The following PCDHGA2 variants were observed in gnomAD, a reference collection of about 807,000 sequenced individuals.
PCDHGA2 encodes the protein protocadherin gamma-A2.
In PCDHGA2, 40 loss-of-function variants were observed where a neutral mutation model predicts 59.2. That is an observed-to-expected ratio of 0.68 (90% CI 0.52 to 0.88). The LOEUF (loss-of-function observed/expected upper bound fraction) is 0.88, where lower values mean the gene tolerates loss of function less well. PCDHGA2 is among the 40% of genes least tolerant of loss of function. PCDHGA2 has a pLI of 0.00. For synonymous variants in PCDHGA2, 560 were observed against 526.0 expected, an observed-to-expected ratio of 1.06 and a Z score of -0.89; for missense variants, 1,226 against 1,204.0, an observed-to-expected ratio of 1.02 and a Z score of -0.27.
rs1488506612 is a variant in PCDHGA2 at position 141,395,336 on chromosome 5, T to G, written c.2424+53941T>G. ...TTGTGAAGATAGTTGAAAATAATTTTTAAGGTGTATCACAGAGTTTTGGGT... is the reference window on the plus strand; with the variant it reads ...TTGTGAAGATAGTTGAAAATAATTTGTAAGGTGTATCACAGAGTTTTGGGT... On this transcript the variant is annotated intron_variant, in intron 1 of 3. Coordinates refer to ENST00000394576, the MANE Select transcript of PCDHGA2 (RefSeq NM_018915.4). 5 of 1,435,024 alleles carry G rather than the reference T, an allele frequency of 3.5e-6. No homozygotes were observed. In the African/African-American group the frequency reaches 4.3e-5, roughly 12 times the overall value. The allele number at this position is 1,435,024 out of a possible 1,614,324, so 88.9% of individuals were successfully genotyped here. A position where few individuals can be genotyped will look rare whatever the true frequency, so the allele number is the denominator to read the frequency against.
chr5:141,360,853 C>G (rs1463247472), intron 1 of PCDHGA2: 16 of 1,613,992 alleles, frequency 9.9e-6, no homozygotes, highest in Non-Finnish European at 1.4e-5. Context: ...CGATAACCCT[C>G]CAGTGTTCAG....
chr5:141,488,572 T>C (rs888054788), intron 1 of PCDHGA2, among the ~76,000 whole-genome samples: 28 of 152,212 alleles, frequency 1.8e-4, no homozygotes, highest in African/African-American at 6.8e-4. Flanking sequence ...CCGCAAAGCA[T>C]TGCTGGAGAG....
intron 1 of PCDHGA2, among the ~76,000 whole-genome samples, chr5:141,494,498 C>G (rs2099754760): frequency 6.6e-6 from 1 of 152,138 alleles, no homozygotes; most frequent in African/African-American, 2.4e-5. Flanking sequence ...GCCTTCAGTC[C>G]TTGAATTTTG....
At chr5:141,495,492 G>C (rs1321150765) in intron 2 of PCDHGA2, among the ~76,000 whole-genome samples, 1 of 152,148 alleles carries the variant, frequency 6.6e-6, no homozygotes, top group Non-Finnish European at 1.5e-5. Flanking sequence ...CCTTTTTCTT[G>C]AGTTTCCGTC....
rs1345224043 is a variant in PCDHGA2, at chr5:141,487,695, C to G, written c.2425-7112C>G. Reference sequence around the variant, plus strand: ...TGGCTAGGCCATGTCCTAGAGAGTACTGGCCTCTCAGTAAGTGCCCATAGT... The same window carrying G: ...TGGCTAGGCCATGTCCTAGAGAGTAGTGGCCTCTCAGTAAGTGCCCATAGT... On this transcript the variant is annotated intron_variant, in intron 1 of 3. Transcript: ENST00000394576. The surrounding 1 kb of genome is among the most constrained non-coding windows in gnomAD (Gnocchi z 5.0). 1 of 1,601,306 alleles carries G rather than the reference C, an allele frequency of 6.2e-7. No individual in the cohort carries two copies.
chr5:141,476,741 A>G lies in PCDHGA2; in HGVS notation c.2425-18066A>G, dbSNP rs1430298222. On this transcript the variant is annotated intron_variant, in intron 1 of 3. Transcript: ENST00000394576. The surrounding 1 kb of genome is among the most constrained non-coding windows in gnomAD (Gnocchi z 7.6). ...CGCCCTGGACCGAGAACGGGAGCCT[A>G]GTCTCCAGTTAGTGCTGACGGCGTT... The G allele has an allele frequency of 6.2e-7, 1 of 1,613,936 alleles. No individual in the cohort carries two copies. Among genetic ancestry groups the G allele is most frequent in the Non-Finnish European group, 8.5e-7 (1 of 1,180,032 alleles).
chr5:141,362,773 A>G, intron 1 of PCDHGA2: 3 of 612,462 alleles, frequency 4.9e-6, no homozygotes, highest in South Asian at 4.6e-5. Context: ...GAGATATTGC[A>G]CTGTATTTCT....
rs780671252 is a variant in PCDHGA2, at chr5:141,398,519, C to G, written c.2424+57124C>G. 3.1e-6 allele frequency: 5 copies of G among 1,595,048 alleles called. No homozygotes were observed. The Admixed American group carries it at 6.8e-5, about 22-fold the overall frequency. On this transcript the variant is annotated intron_variant, in intron 1 of 3. Coordinates refer to ENST00000394576, the MANE Select transcript of PCDHGA2 (RefSeq NM_018915.4). ...ATCGAGGACATTAATGACCACACGC[C>G]AAAATTCACGCAAAATTCCTTTGAG...
In PCDHGA2 at chr5:141,356,585, C is replaced by G. The variant is rs11575950; in HGVS notation, c.2424+15190C>G. 2,136 of 1,614,174 alleles carry G rather than the reference C, an allele frequency of 1.3e-3. 34 individuals carry two copies. Among genetic ancestry groups the G allele is most frequent in the South Asian group, 0.013 (1,179 of 91,086 alleles). On this transcript the variant is annotated intron_variant, in intron 1 of 3. Coordinates refer to ENST00000394576, the MANE Select transcript of PCDHGA2 (RefSeq NM_018915.4). ...CATGCTTCCTACTCTGCTTACATTCCTGAAAACAACCCCAGAGGAGCCTCC... is the reference window on the plus strand; with the variant it reads ...CATGCTTCCTACTCTGCTTACATTCGTGAAAACAACCCCAGAGGAGCCTCC...
chr5:141,411,174 A>T (rs574627520), intron 1 of PCDHGA2: 4 of 152,400 alleles, frequency 2.6e-5, no homozygotes, highest in African/African-American at 7.2e-5. Flanking sequence ...GAACAGAAGC[A>T]GTGGTCTTGG....
chr5:141,340,880 G>T lies in PCDHGA2; in HGVS notation c.1909G>T (p.Ala637Ser). The T allele has an allele frequency of 6.2e-7, 1 of 1,613,658 alleles. No homozygotes were observed. Among genetic ancestry groups the T allele is most frequent in the African/African-American group, 1.3e-5 (1 of 75,042 alleles). Residue 637 changes from alanine (A) to serine (S), a missense_variant, in exon 1 of 4, where the codon GCG (alanine) becomes TCG (serine). Transcript: ENST00000394576. The part of the protein sequence containing the change: ...RTARALLDRD[A>S]LKQSLVVAIQ... ...GGCGCGAGCCCTGCTGGACAGAGACGCGCTCAAGCAGAGCCTCGTGGTGGC... is the reference window on the plus strand; with the variant it reads ...GGCGCGAGCCCTGCTGGACAGAGACTCGCTCAAGCAGAGCCTCGTGGTGGC...
intron 2 of PCDHGA2, among the ~76,000 whole-genome samples, chr5:141,499,940 G>A (rs1158937971): frequency 4.0e-5 from 6 of 151,722 alleles, no homozygotes; most frequent in Non-Finnish European, 8.8e-5. Flanking sequence ...CACCCTCCTC[G>A]GCCTCCCAAA....
At chr5:141,381,826 C>CTTTTTTTTTTTTTTTTTTTTTTTTTTT (rs770630741) in intron 1 of PCDHGA2, among the ~76,000 whole-genome samples, 2 of 74,278 alleles carry the variant, frequency 2.7e-5, no homozygotes, top group African/African-American at 6.2e-5. Flanking sequence ...CTTTCTTCTT[C>CTTTTTTTTTTTTTTTTTTTTTTTTTTT]TTTTTTTTTT....
chr5:141,375,055 G>A, intron 1 of PCDHGA2: 1 of 1,614,042 alleles, frequency 6.2e-7, no homozygotes, highest in South Asian at 1.1e-5. Context: ...CCCGGGATGG[G>A]CCAGGTCTTC....
At chr5:141,387,534 G>T in intron 1 of PCDHGA2, among the ~76,000 whole-genome samples, 1 of 152,198 alleles carries the variant, frequency 6.6e-6, no homozygotes, top group East Asian at 1.9e-4. Context: ...ACGTATCCAC[G>T]TAGTTTTTGT....
At chr5:141,365,475 T>TG in intron 1 of PCDHGA2, 2 of 1,613,978 alleles carry the variant, frequency 1.2e-6, no homozygotes, top group Non-Finnish European at 8.5e-7. Context: ...AATGGTGAGA[T>TG]TGCATGCTCT....
At chr5:141,346,030 A>G (rs759448742) in intron 1 of PCDHGA2, 1 of 1,612,640 alleles carries the variant, frequency 6.2e-7, no homozygotes, top group Non-Finnish European at 8.5e-7. Context: ...GCCGTGGCCG[A>G]CAGGATCCCC....
At chr5:141,374,211 C>G in intron 1 of PCDHGA2, 2 of 1,613,954 alleles carry the variant, frequency 1.2e-6, no homozygotes, top group Non-Finnish European at 1.7e-6. Context: ...GAGAAAGGCT[C>G]CTTCGTAGGC....
At chr5:141,502,483 G>A (rs773081419) in intron 2 of PCDHGA2, among the ~76,000 whole-genome samples, 42 of 152,144 alleles carry the variant, frequency 2.8e-4, no homozygotes, top group Non-Finnish European at 4.7e-4. Context: ...GCATCACACT[G>A]GGACTCATCT....
Sources: allele counts gnomAD v4.1 joint callset (sites outside exome capture counted in the v4.1 genomes callset), GRCh38; gene constraint gnomAD v4.1.1; non-coding constraint Gnocchi (gnomAD v3.1); transcripts MANE v1.5; gene names NCBI Gene and HGNC (gene_info 2026-07-23, HGNC 2026-07-21).